Variants in FRMD5 observed in about 807,000 individuals in gnomAD.
FRMD5 encodes the protein FERM domain containing 5.
A neutral mutation model predicts 69.0 loss-of-function variants in FRMD5; 20 were observed. The ratio of observed to expected loss-of-function variants is 0.29; its 90% CI spans 0.20 to 0.42. The LOEUF is 0.42. Ranked by LOEUF, FRMD5 falls within the 10% of genes least tolerant of loss-of-function variation. The pLI, the probability that FRMD5 is intolerant of heterozygous loss-of-function variation, is 1.00. For synonymous variants in FRMD5, 271 were observed against 260.1 expected (o/e 1.04, Z -0.40); for missense variants, 595 against 708.6 (o/e 0.84, Z 1.82).
intron 4 of FRMD5, among the ~76,000 whole-genome samples, chr15:43,917,546 G>A (rs767085897): frequency 1.4e-4 from 22 of 152,048 alleles, no homozygotes; most frequent in African/African-American, 4.1e-4. Flanking sequence ...GTGATGGCCC[G>A]GCTAATTTTT....
intron 1 of FRMD5, among the ~76,000 whole-genome samples, chr15:43,933,653 A>T (rs566018268): frequency 6.6e-6 from 1 of 152,336 alleles, no homozygotes; most frequent in Non-Finnish European, 1.5e-5. Context: ...TTTTCATATA[A>T]CAAGAGTACC....
chr15:43,979,022 T>C (rs1328115984), intron 1 of FRMD5, among the ~76,000 whole-genome samples: 3 of 152,126 alleles, frequency 2.0e-5, no homozygotes, highest in East Asian at 1.9e-4. Flanking sequence ...TTTTTGGCAA[T>C]GTAGAAAATG....
intron 1 of FRMD5, among the ~76,000 whole-genome samples, chr15:43,996,043 G>T (rs763728776): frequency 6.6e-6 from 1 of 152,294 alleles, no homozygotes; most frequent in Non-Finnish European, 1.5e-5. Context: ...GAAGGTGATG[G>T]CTTGGTGCCT....
intron 1 of FRMD5, among the ~76,000 whole-genome samples, chr15:44,136,762 C>T (rs2077192884): frequency 6.6e-6 from 1 of 152,108 alleles, no homozygotes; most frequent in Non-Finnish European, 1.5e-5. Flanking sequence ...GACAACCTTG[C>T]AATCAATAAT....
At chr15:44,046,731 T>C (rs1892444628) in intron 1 of FRMD5, among the ~76,000 whole-genome samples, 1 of 152,232 alleles carries the variant, frequency 6.6e-6, no homozygotes, top group Non-Finnish European at 1.5e-5. Flanking sequence ...CCTTTTTACA[T>C]TTTAGTGTTT....
intron 1 of FRMD5, among the ~76,000 whole-genome samples, chr15:43,936,173 A>T (rs982332544): frequency 1.3e-5 from 2 of 152,118 alleles, no homozygotes; most frequent in Admixed American, 1.3e-4. Context: ...CATGATCCTC[A>T]AGAAGTATTT....
chr15:43,952,535 T>C (rs2090052589), intron 1 of FRMD5, among the ~76,000 whole-genome samples: 1 of 152,206 alleles, frequency 6.6e-6, no homozygotes, highest in South Asian at 2.1e-4. Flanking sequence ...TTGGATAGTC[T>C]GGGAGCACGG....
At chr15:43,990,253 A>C (rs953687221) in intron 1 of FRMD5, 4 of 374,330 alleles carry the variant, frequency 1.1e-5, no homozygotes, top group African/African-American at 8.4e-5. Context: ...CGCAGGGTGG[A>C]CACGGTCTCA....
chr15:44,151,852 G>A lies in FRMD5; in HGVS notation c.102+43101C>T, dbSNP rs137991028. ...TTTATAAATCACATATCTGATAAGC[G>A]ATTAATGTCCGGAATATATAGTAAA... On this transcript the variant is annotated intron_variant, in intron 1 of 13. Transcript: ENST00000417257. 7.7e-4 allele frequency among the ~76,000 whole-genome samples: 118 copies of A among 152,292 alleles called. 2 individuals carry two copies. In the East Asian group the frequency reaches 0.019, roughly 24 times the overall value.
intron 1 of FRMD5, among the ~76,000 whole-genome samples, chr15:44,047,262 T>C (rs922538488): frequency 6.6e-5 from 10 of 151,792 alleles, no homozygotes; most frequent in African/African-American, 2.4e-4. Context: ...TGAGCTGAGA[T>C]CGTGCCACTG....
At position 44,155,157 on chromosome 15, in the gene FRMD5, A is replaced by G. The variant is rs535036484; in HGVS notation, c.102+39796T>C. 2.6e-5 allele frequency among the ~76,000 whole-genome samples: 4 copies of G among 152,280 alleles called. 1 individual carries two copies. The highest frequency in any genetic ancestry group is 9.6e-5 in the African/African-American group (4 of 41,560). On this transcript the variant is annotated intron_variant, in intron 1 of 13. Coordinates refer to ENST00000417257, the MANE Select transcript of FRMD5 (RefSeq NM_032892.5). ...CTGTTGATAAAAAGAAAAGCTGGCC[A>G]GGCACGGTGGCTCACACTGTAATCC...
At chr15:44,073,452 A>G (rs1893624780) in intron 1 of FRMD5, among the ~76,000 whole-genome samples, 2 of 152,236 alleles carry the variant, frequency 1.3e-5, no homozygotes, top group African/African-American at 4.8e-5. Flanking sequence ...TGCTAAATGG[A>G]TAAGGACTTG....
chr15:44,138,307 TAG>T (rs2077217062), intron 1 of FRMD5, among the ~76,000 whole-genome samples: 1 of 152,144 alleles, frequency 6.6e-6, no homozygotes, highest in Admixed American at 6.5e-5. Flanking sequence ...CCATAAAACA[TAG>T]AGATTCAAAG....
At chr15:44,144,095 T>C (rs1288740813) in intron 1 of FRMD5, among the ~76,000 whole-genome samples, 2 of 152,104 alleles carry the variant, frequency 1.3e-5, no homozygotes, top group East Asian at 1.9e-4. Flanking sequence ...AAAAGTGGCA[T>C]TCAATAATTT....
At chr15:44,149,957 C>G (rs868035724) in intron 1 of FRMD5, among the ~76,000 whole-genome samples, 7 of 152,038 alleles carry the variant, frequency 4.6e-5, no homozygotes, top group African/African-American at 1.7e-4. Context: ...AAGGATTATA[C>G]AACATAACCA....
intron 1 of FRMD5, among the ~76,000 whole-genome samples, chr15:44,055,416 A>T (rs997029592): frequency 6.6e-6 from 1 of 152,208 alleles, no homozygotes; most frequent in South Asian, 2.1e-4. Context: ...AGCAACTACT[A>T]AAGTGCTTTT....
At chr15:44,160,429 C>T (rs964814008) in intron 1 of FRMD5, among the ~76,000 whole-genome samples, 1 of 152,220 alleles carries the variant, frequency 6.6e-6, no homozygotes, top group African/African-American at 2.4e-5. Flanking sequence ...AGGAGAGGGA[C>T]GGATAAGTTG....
rs1250542014 is a variant in FRMD5, at chr15:44,146,566, G to A, written c.102+48387C>T. Reference sequence around the variant, plus strand: ...TCTGGCTCTAGGTCTTTGAGGAATTGCCACACTGTCTTCCACAATGGTTGA... The same window carrying A: ...TCTGGCTCTAGGTCTTTGAGGAATTACCACACTGTCTTCCACAATGGTTGA... On this transcript the variant is annotated intron_variant, in intron 1 of 13. Transcript: ENST00000417257. 1.1e-4 allele frequency among the ~76,000 whole-genome samples: 17 copies of A among 152,088 alleles called. No homozygotes were observed. In the East Asian group the frequency reaches 1.9e-3, roughly 17 times the overall value.
chr15:44,155,948 A>C (rs1430816295), intron 1 of FRMD5, among the ~76,000 whole-genome samples: 1 of 152,040 alleles, frequency 6.6e-6, no homozygotes, highest in Non-Finnish European at 1.5e-5. Flanking sequence ...TAAGGAATAT[A>C]ATGAAATATG....
Sources: gnomAD v4.1 joint callset for allele counts (sites outside exome capture counted in the v4.1 genomes callset) on GRCh38, gnomAD v4.1.1 for gene constraint, MANE v1.5 for transcripts, NCBI Gene and HGNC (gene_info 2026-07-23, HGNC 2026-07-21) for gene names.